Variants in OLFM3 observed in about 807,000 individuals in gnomAD.
OLFM3 encodes the protein olfactomedin 3, also known as noelin-3.
In OLFM3, 20 loss-of-function variants were observed where a neutral mutation model predicts 48.6. The ratio of observed to expected loss-of-function variants is 0.41; its 90% CI spans 0.29 to 0.60. The LOEUF is 0.60. OLFM3 is among the 20% of genes least tolerant of loss of function. The pLI is 0.28. For synonymous variants in OLFM3, 222 were observed against 198.1 expected (o/e 1.12, Z -1.01); for missense variants, 437 against 544.3 (o/e 0.80, Z 1.96).
At chr1:101,889,202 C>G (rs77120978) in intron 1 of OLFM3, among the ~76,000 whole-genome samples, 1 of 151,864 alleles carries the variant, frequency 6.6e-6, no homozygotes, top group Non-Finnish European at 1.5e-5. Flanking sequence ...CACATGCACA[C>G]GTATGTTTAT....
At chr1:101,824,889 G>T in intron 4 of OLFM3, 137 bp downstream of exon 4, 1 of 708,602 alleles carries the variant, frequency 1.4e-6, no homozygotes, top group Non-Finnish European at 2.4e-6. Flanking sequence ...GTCATTAGGG[G>T]ACACTTCACA....
At position 101,850,832 on chromosome 1, in the gene OLFM3, A is replaced by G. The variant is rs374201615; in HGVS notation, c.70-13807T>C. The stretch of plus-strand genomic sequence containing the variant: ...TTTAAAACAAAATTTAAATTTGTAA[A>G]TGGCTTCAGGCAGAGGGGAAAGTGG... On this transcript the variant is annotated intron_variant, in intron 1 of 5. Transcript: ENST00000370103. Among the ~76,000 whole-genome samples, 37 of 152,258 alleles carry G rather than the reference A, an allele frequency of 2.4e-4. No homozygotes were observed. The South Asian group carries it at 7.7e-3, about 32-fold the overall frequency.
intron 1 of OLFM3, among the ~76,000 whole-genome samples, chr1:101,968,291 A>G (rs1378864932): frequency 6.6e-6 from 1 of 151,912 alleles, no homozygotes; most frequent in African/African-American, 2.4e-5. Flanking sequence ...TGCTCTCCTC[A>G]TCCAGAAGAA....
At chr1:101,925,483 G>A (rs996461243) in intron 1 of OLFM3, among the ~76,000 whole-genome samples, 5 of 151,904 alleles carry the variant, frequency 3.3e-5, no homozygotes, top group Non-Finnish European at 2.9e-5. Flanking sequence ...GTGAGTGTGT[G>A]TGTGTGTGTG....
At chr1:101,907,088 G>A (rs1178478702) in intron 1 of OLFM3, among the ~76,000 whole-genome samples, 1 of 152,130 alleles carries the variant, frequency 6.6e-6, no homozygotes, top group Non-Finnish European at 1.5e-5. Flanking sequence ...AGATAAATGT[G>A]ACTATATGAC....
chr1:101,819,527 A>C (rs1259618269), intron 4 of OLFM3, among the ~76,000 whole-genome samples: 3 of 152,062 alleles, frequency 2.0e-5, no homozygotes, highest in African/African-American at 7.2e-5. Context: ...GGCTGGTGGA[A>C]GTGAGGATGC....
intron 1 of OLFM3, among the ~76,000 whole-genome samples, chr1:101,939,885 C>T (rs1659734257): frequency 6.6e-6 from 1 of 152,118 alleles, no homozygotes; most frequent in Admixed American, 6.6e-5. Context: ...ATGATATTAT[C>T]ATAGCCTCTA....
intron 1 of OLFM3, among the ~76,000 whole-genome samples, chr1:101,867,974 C>G (rs1466275634): frequency 6.6e-6 from 1 of 152,160 alleles, no homozygotes; most frequent in Non-Finnish European, 1.5e-5. Flanking sequence ...GCCCAGCTCT[C>G]ATTCTTCTCT....
chr1:101,811,255 G>A (rs985964359), intron 4 of OLFM3, among the ~76,000 whole-genome samples: 1 of 151,998 alleles, frequency 6.6e-6, no homozygotes, highest in Non-Finnish European at 1.5e-5. Flanking sequence ...GCAACTTCAA[G>A]TTCTTTCTAT....
chr1:101,970,445 C>T (rs1468371052), intron 1 of OLFM3, among the ~76,000 whole-genome samples: 1 of 152,232 alleles, frequency 6.6e-6, no homozygotes, highest in African/African-American at 2.4e-5. Flanking sequence ...AAACACTACT[C>T]TCTCCTAATG....
intron 1 of OLFM3, among the ~76,000 whole-genome samples, chr1:101,865,247 C>T (rs756007908): frequency 6.6e-6 from 1 of 151,900 alleles, no homozygotes; most frequent in Admixed American, 6.5e-5. Context: ...CTAATTGGAA[C>T]AGCCCTGGCC....
At chr1:101,957,839 GA>G (rs1297417893) in intron 1 of OLFM3, among the ~76,000 whole-genome samples, 8 of 152,006 alleles carry the variant, frequency 5.3e-5, no homozygotes, top group Admixed American at 2.6e-4. Context: ...ATGGAAATTA[GA>G]GAAACTGTAG....
In OLFM3 at chr1:101,830,717, C is replaced by A. The variant is rs781340281; in HGVS notation, c.327G>T (p.Arg109=). 10 of 1,614,042 alleles carry A rather than the reference C, an allele frequency of 6.2e-6. No individual in the cohort carries two copies. The Admixed American group carries it at 8.3e-5, about 13-fold the overall frequency. ...TQMKGLKAKF[R]QIEDDRKTLM... ...GTGTCTTTCGATCATCTTCAATCTG[C>A]CGAAATTTTGCCTTCAGCCCTTTCA... Residue 109 remains arginine (R), a synonymous_variant, in exon 3 of 6, where the codon CGG becomes CGT. Transcript: ENST00000370103.
intron 1 of OLFM3, among the ~76,000 whole-genome samples, chr1:101,977,662 C>T (rs573170243): frequency 6.6e-6 from 1 of 152,130 alleles, no homozygotes; most frequent in South Asian, 2.1e-4. Flanking sequence ...AAAATGGCGT[C>T]CTTTCACCTC....
intron 1 of OLFM3, among the ~76,000 whole-genome samples, chr1:101,892,670 T>A (rs1293729828): frequency 4.6e-5 from 7 of 152,172 alleles, no homozygotes; most frequent in Non-Finnish European, 7.4e-5. Flanking sequence ...TCCTTACTCT[T>A]ACTTTAAAAA....
Position 101,994,574 on chromosome 1 carries a change from G to T in OLFM3, c.69+2174C>A, listed in dbSNP as rs186739553. Among the ~76,000 whole-genome samples, 1,171 of 148,346 alleles carry T rather than the reference G, an allele frequency of 7.9e-3. 13 individuals carry two copies. The highest frequency in any genetic ancestry group is 0.026 in the African/African-American group (1,064 of 40,832). On this transcript the variant is annotated intron_variant, in intron 1 of 5. Transcript: ENST00000370103. Reference sequence around the variant, plus strand: ...ACAATGGTGCCATCTGTAATTTTTTGGGGGGGAGCAATATAAATATATATT... The same window carrying T: ...ACAATGGTGCCATCTGTAATTTTTTTGGGGGGAGCAATATAAATATATATT...
In OLFM3 at chr1:101,830,848, C is replaced by A; in HGVS notation, c.217-21G>T. 1.9e-6 allele frequency: 3 copies of A among 1,606,652 alleles called. No homozygotes were observed. The South Asian group carries it at 3.3e-5, about 18-fold the overall frequency. On this transcript the variant is annotated intron_variant, in intron 2 of 5. Coordinates refer to ENST00000370103, the MANE Select transcript of OLFM3 (RefSeq NM_058170.4). ...TGAACCTGTTGAACAAGAATATTGT[C>A]TGTACATTATTATCTGTTTGCAGGT...
chr1:101,940,566 C>G (rs1659762253), intron 1 of OLFM3, among the ~76,000 whole-genome samples: 1 of 151,632 alleles, frequency 6.6e-6, no homozygotes, highest in Admixed American at 6.6e-5. Flanking sequence ...TATCATCTAT[C>G]TACATTTGTG....
chr1:101,904,636 A>G (rs1658495642), intron 1 of OLFM3, among the ~76,000 whole-genome samples: 1 of 152,112 alleles, frequency 6.6e-6, no homozygotes, highest in African/African-American at 2.4e-5. Flanking sequence ...ACAGAATTGC[A>G]AAAAGCTGGT....
Sources: allele counts gnomAD v4.1 joint callset (sites outside exome capture counted in the v4.1 genomes callset), GRCh38; gene constraint gnomAD v4.1.1; transcripts MANE v1.5; gene names NCBI Gene and HGNC (gene_info 2026-07-23, HGNC 2026-07-21).